NAV2: variants seen among roughly 807,000 people sequenced by gnomAD.
The protein encoded by NAV2 is neuron navigator 2, also known as helicase, APC down-regulated 1.
NAV2 carries 54 observed loss-of-function variants against 223.2 expected under a neutral mutation model. The observed-to-expected ratio is 0.24, with a 90% CI of 0.19 to 0.30. The LOEUF (loss-of-function observed/expected upper bound fraction) is 0.30, where lower values mean the gene tolerates loss of function less well. Among genes scored for constraint, NAV2 ranks in the 10% least tolerant of loss-of-function variants. The pLI, the probability that NAV2 is intolerant of heterozygous loss-of-function variation, is 1.00. For missense variants in NAV2, 2,806 were observed against 3,147.5 expected, an observed-to-expected ratio of 0.89 and a Z score of 2.60; for synonymous variants, 1,279 against 1,239.3, an observed-to-expected ratio of 1.03 and a Z score of -0.67.
chr11:19,348,005 C>G (rs1853095138), upstream of NAV2, among the ~76,000 whole-genome samples: 1 of 152,180 alleles, frequency 6.6e-6, no homozygotes, highest in Non-Finnish European at 1.5e-5. Flanking sequence ...AGCACAAGGA[C>G]AGCAACAGCC....
chr11:20,110,237 G>A (rs999865199), intron 36 of NAV2, among the ~76,000 whole-genome samples: 4 of 152,148 alleles, frequency 2.6e-5, no homozygotes, highest in African/African-American at 9.7e-5. Context: ...AAAGGGAGGC[G>A]GCCAGAGTTT....
At chr11:19,618,224 AGATG>A (rs985685701) in intron 1 of NAV2, among the ~76,000 whole-genome samples, 1 of 149,360 alleles carries the variant, frequency 6.7e-6, no homozygotes, top group Admixed American at 6.6e-5. Context: ...ATGGATGGAT[AGATG>A]GATGGATGGA....
At chr11:19,785,765 C>T (rs767294406) in intron 1 of NAV2, among the ~76,000 whole-genome samples, 5 of 151,858 alleles carry the variant, frequency 3.3e-5, no homozygotes, top group Non-Finnish European at 7.4e-5. Flanking sequence ...TCCTTAGAAG[C>T]TGTCTCACTG....
chr11:19,899,044 C>T (rs1406649999), intron 6 of NAV2, among the ~76,000 whole-genome samples: 1 of 152,134 alleles, frequency 6.6e-6, no homozygotes, highest in Non-Finnish European at 1.5e-5. Context: ...GTCTGAGGTC[C>T]TCCATCACTA....
chr11:19,883,863 C>G (rs1418209386), intron 5 of NAV2, among the ~76,000 whole-genome samples: 1 of 152,184 alleles, frequency 6.6e-6, no homozygotes, highest in African/African-American at 2.4e-5. Context: ...TTGCAAACAT[C>G]TTGTTTTGGG....
At chr11:19,772,973 G>A (rs2055839093) in intron 1 of NAV2, among the ~76,000 whole-genome samples, 1 of 152,194 alleles carries the variant, frequency 6.6e-6, no homozygotes, top group African/African-American at 2.4e-5. Context: ...ATTTAGGAGT[G>A]AGAAGGAACT....
intron 1 of NAV2, among the ~76,000 whole-genome samples, chr11:19,490,939 G>GA (rs1344221126): frequency 6.6e-6 from 1 of 152,172 alleles, no homozygotes; most frequent in Admixed American, 6.6e-5. Flanking sequence ...TTAACAGGCA[G>GA]AAAAATAGCA....
At chr11:19,893,380 G>T (rs2041676498) in intron 6 of NAV2, among the ~76,000 whole-genome samples, 1 of 152,120 alleles carries the variant, frequency 6.6e-6, no homozygotes, top group African/African-American at 2.4e-5. Context: ...AATATGTCCA[G>T]GTCTCCTGGA....
At chr11:19,897,620 T>C (rs542710596) in intron 6 of NAV2, among the ~76,000 whole-genome samples, 5 of 152,204 alleles carry the variant, frequency 3.3e-5, no homozygotes, top group Non-Finnish European at 5.9e-5. Context: ...TGAAATTCAT[T>C]CACTTGTTCC....
At chr11:19,499,054 T>C (rs1050702267) in intron 1 of NAV2, among the ~76,000 whole-genome samples, 4 of 152,218 alleles carry the variant, frequency 2.6e-5, no homozygotes, top group African/African-American at 7.2e-5. Flanking sequence ...ATGCAAGCCA[T>C]ACAGCCTAGC....
At chr11:19,616,483 C>T (rs905296291) in intron 1 of NAV2, among the ~76,000 whole-genome samples, 1 of 152,128 alleles carries the variant, frequency 6.6e-6, no homozygotes, top group Admixed American at 6.5e-5. Context: ...TGTTGAGACT[C>T]TCCTAGGACA....
intron 11 of NAV2, among the ~76,000 whole-genome samples, chr11:19,984,518 C>G (rs1386227179): frequency 6.6e-6 from 1 of 152,142 alleles, no homozygotes; most frequent in Non-Finnish European, 1.5e-5. Flanking sequence ...TATTGTTTTG[C>G]TTGTTGCTAC....
intron 11 of NAV2, among the ~76,000 whole-genome samples, chr11:20,032,902 G>A (rs1203346421): frequency 4.6e-5 from 7 of 152,204 alleles, no homozygotes; most frequent in East Asian, 1.9e-4. Context: ...GTGGTCCACC[G>A]AATGAACTTG....
intron 1 of NAV2, among the ~76,000 whole-genome samples, chr11:19,830,409 A>C (rs1308419361): frequency 6.6e-6 from 1 of 152,220 alleles, no homozygotes. Flanking sequence ...GTCTGGGCTC[A>C]AATCCTGGCT....
In NAV2 at chr11:19,890,133, T is replaced by C. The variant is rs1044969422; in HGVS notation, c.771-2301T>C. 2.6e-5 allele frequency among the ~76,000 whole-genome samples: 4 copies of C among 152,364 alleles called. No homozygotes were observed. The East Asian group carries it at 5.8e-4, about 22-fold the overall frequency. On this transcript the variant is annotated intron_variant, in intron 5 of 37. Transcript: ENST00000349880. ...ACAGCTATACCCAATGGTATAACTG[T>C]TAACTATTGGGTATAACTGTAAATC...
At chr11:19,884,672 G>A (rs1486222051) in intron 5 of NAV2, among the ~76,000 whole-genome samples, 1 of 152,142 alleles carries the variant, frequency 6.6e-6, no homozygotes, top group Admixed American at 6.6e-5. Context: ...TTAGGTAAAG[G>A]TGAGTTTCTA....
intron 1 of NAV2, among the ~76,000 whole-genome samples, chr11:19,631,762 G>T (rs58839948): frequency 0.018 from 2,764 of 152,322 alleles, 85 homozygotes; most frequent in African/African-American, 0.063. Flanking sequence ...CCCAGGAGAT[G>T]GATGCCTCCA....
At chr11:19,389,896 G>A (rs1789922641) in intron 1 of NAV2, among the ~76,000 whole-genome samples, 3 of 152,288 alleles carry the variant, frequency 2.0e-5, no homozygotes, top group South Asian at 4.1e-4. Flanking sequence ...GCTGTCAGCT[G>A]GTCAGACCAG....
intron 1 of NAV2, among the ~76,000 whole-genome samples, chr11:19,387,437 T>C (rs552917846): frequency 6.6e-6 from 1 of 152,184 alleles, no homozygotes; most frequent in East Asian, 1.9e-4. Flanking sequence ...TGCTGGAGCA[T>C]GGGCTGGGAG....
Sources: allele counts gnomAD v4.1 joint callset (sites outside exome capture counted in the v4.1 genomes callset), GRCh38; gene constraint gnomAD v4.1.1; transcripts MANE v1.5; gene names NCBI Gene and HGNC (gene_info 2026-07-23, HGNC 2026-07-21).